CLIC3: variants seen among roughly 807,000 people sequenced by gnomAD.
CLIC3 encodes the protein chloride intracellular channel protein 3.
A neutral mutation model predicts 19.9 loss-of-function variants in CLIC3; 29 were observed. The ratio of observed to expected loss-of-function variants is 1.46; its 90% confidence interval spans 1.09 to 1.99. CLIC3 has a LOEUF of 1.99. Ranked by LOEUF, CLIC3 falls within the 30% of genes most tolerant of loss-of-function variation. The pLI is 0.00. For missense variants in CLIC3, 365 were observed against 342.6 expected, an observed-to-expected ratio of 1.07 and a Z score of -0.52; for synonymous variants, 143 against 156.4, an observed-to-expected ratio of 0.91 and a Z score of 0.64.
Position 136,995,462 on chromosome 9 carries a change from C to T in CLIC3, c.249G>A (p.Glu83=). 1 of 1,612,624 alleles carries T rather than the reference C, an allele frequency of 6.2e-7. No homozygotes were observed. The highest frequency in any genetic ancestry group is 8.5e-7 in the Non-Finnish European group (1 of 1,179,884). Residue 83 remains glutamate (E), a synonymous_variant, in exon 3 of 6, where the codon GAG becomes GAA. Coordinates refer to ENST00000494426, the MANE Select transcript of CLIC3 (RefSeq NM_004669.3). ...TDTLQIEDFL[E]ETLGPPDFPS... ...CTCACTCGGGCGGCCCCAGCGTCTC[C>T]TCCAGAAAGTCCTCGATCTGCAGCG...
Position 136,995,072 on chromosome 9 carries a change from C to T in CLIC3, c.410G>A (p.Arg137Lys), listed in dbSNP as rs779736714. ...GGGCGCGCGCAGGTAGCTGTCCAGCCTGGCGAGGGCGCGCAGCAGCTGCTG... is the reference window on the plus strand; with the variant it reads ...GGGCGCGCGCAGGTAGCTGTCCAGCTTGGCGAGGGCGCGCAGCAGCTGCTG... ...LYQQLLRALA[R>K]LDSYLRAPLE... The change falls in exon 5 of 6, where the codon AGG becomes AAG. Residue 137 changes from arginine (R) to lysine (K), a missense_variant. By Grantham distance (26) the Arg-to-Lys change is conservative. Transcript: ENST00000494426. 5 of 1,517,452 alleles carry T rather than the reference C, an allele frequency of 3.3e-6. No homozygotes were observed. The South Asian group carries it at 4.9e-5, about 15-fold the overall frequency. 94.0% of individuals were successfully genotyped at this position (1,517,452 alleles called of 1,614,324 possible).
chr9:136,994,920 C>T lies in CLIC3; in HGVS notation c.552+10G>A, dbSNP rs1394670129. On this transcript the variant is annotated intron_variant, in intron 5 of 5. Transcript: ENST00000494426. ...GGTCACCCTCCCGCCCGCCCACCTT[C>T]CGTGCTCACGTCGACGATGTGCAGC... 6.2e-6 allele frequency: 6 copies of T among 967,670 alleles called. No homozygotes were observed. The African/African-American group carries it at 7.0e-5, about 11-fold the overall frequency. The allele number at this position is 967,670 out of a possible 1,614,324, so 59.9% of individuals were successfully genotyped here. A position where few individuals can be genotyped will look rare whatever the true frequency, so the allele number is the denominator to read the frequency against.
At position 136,994,714 on chromosome 9, in the gene CLIC3, C is replaced by T; in HGVS notation, c.678G>A (p.Leu226=). 1.2e-6 allele frequency: 2 copies of T among 1,609,942 alleles called. No individual in the cohort carries two copies. Among genetic ancestry groups the T allele is most frequent in the Middle Eastern group, 1.8e-4 (1 of 5,650 alleles). ...GGTGCACGGCGGGCCGGTAGGCCGC[C>T]AGGATCTCGGCGCTGTGCGGACACG... is the stretch of plus-strand genomic sequence containing the variant. ...KYTCPHSAEI[L]AAYRPAVHPR The change falls in exon 6 of 6, where the codon CTG becomes CTA. Residue 226 remains leucine, a synonymous_variant. Coordinates refer to ENST00000494426, the MANE Select transcript of CLIC3 (RefSeq NM_004669.3).
rs1396016900 is a variant in CLIC3, at chr9:136,994,769, C to G, written c.623G>C (p.Ser208Thr). 4 of 1,602,516 alleles carry G rather than the reference C, an allele frequency of 2.5e-6. No individual in the cohort carries two copies. The highest frequency in any genetic ancestry group is 8.5e-7 in the Non-Finnish European group (1 of 1,175,250). ...TTTGAACTCTTTCTCCTGCATCGCG[C>G]TGTCCAGGTAGCGGCGTACGCCGCG... ...ELRGVRRYLDSAMQEKEFKYT... is the reference protein window; with the variant it reads ...ELRGVRRYLDTAMQEKEFKYT... The change falls in exon 6 of 6, where the codon AGC (serine) becomes ACC (threonine). Residue 208 changes from serine (S) to threonine (T), a missense_variant. Transcript: ENST00000494426.
At chr9:136,996,465 G>A (rs1473661096) in intron 1 of CLIC3, 46 bp downstream of exon 1, 1 of 1,530,008 alleles carries the variant, frequency 6.5e-7, no homozygotes, top group Non-Finnish European at 8.9e-7. Flanking sequence ...GCCCAGAAAA[G>A]CGCTTCCTCC....
rs779826366 is a variant in CLIC3, at chr9:136,994,853, C to A, written c.553-14G>T. On this transcript the variant is annotated splice_polypyrimidine_tract_variant and intron_variant, in intron 5 of 5. Coordinates refer to ENST00000494426, the MANE Select transcript of CLIC3 (RefSeq NM_004669.3). The stretch of plus-strand genomic sequence containing the variant: ...CGCGCACACCGTCTGCGGGCAGGAT[C>A]GCGGGGCGCGGTCAGGACCTGCCGT... 1.3e-4 allele frequency: 199 copies of A among 1,531,398 alleles called. 2 individuals carry two copies. The highest frequency in any genetic ancestry group is 2.1e-5 in the Non-Finnish European group (24 of 1,141,378). The allele number at this position is 1,531,398 out of a possible 1,614,324, so 94.9% of individuals were successfully genotyped here. A position where few individuals can be genotyped will look rare whatever the true frequency, so the allele number is the denominator to read the frequency against.
chr9:136,996,408 C>G (rs957977456), intron 1 of CLIC3, 103 bp downstream of exon 1: 6 of 1,094,486 alleles, frequency 5.5e-6, no homozygotes, highest in Non-Finnish European at 8.1e-6. Context: ...GGAAGGGGCT[C>G]AGACATTACT....
Position 136,995,775 on chromosome 9 carries a change from G to A in CLIC3, c.34-18C>T. 1 of 1,500,434 alleles carries A rather than the reference G, an allele frequency of 6.7e-7. No individual in the cohort carries two copies. Among genetic ancestry groups the A allele is most frequent in the African/African-American group, 1.4e-5 (1 of 72,384 alleles). 92.9% of individuals were successfully genotyped at this position (1,500,434 alleles called of 1,614,324 possible). A position where few individuals can be genotyped will look rare whatever the true frequency, so the allele number is the denominator to read the frequency against. ...TCACTCGCCTGGGTGGGTGGAGCGG[G>A]GGTGGGGGGTCAGGGCTGGAAGCAG... is the stretch of plus-strand genomic sequence containing the variant. On this transcript the variant is annotated intron_variant, in intron 1 of 5. Transcript: ENST00000494426.
intron 5 of CLIC3, 45 bp downstream of exon 5, chr9:136,994,885 G>A: frequency 6.8e-7 from 1 of 1,478,230 alleles, no homozygotes; most frequent in Non-Finnish European, 8.9e-7. Flanking sequence ...CCGTCCCCCA[G>A]GCGCGCCGCG....
intron 1 of CLIC3, 136 bp from the exon 2 acceptor site, chr9:136,995,893 C>T: frequency 3.2e-6 from 2 of 625,476 alleles, no homozygotes; most frequent in Non-Finnish European, 2.8e-6. Context: ...GTCGGCGCGA[C>T]TTCCAAGTGC....
intron 1 of CLIC3, 100 bp downstream of exon 1, chr9:136,996,411 A>T: frequency 2.7e-6 from 3 of 1,113,024 alleles, no homozygotes; most frequent in Non-Finnish European, 4.0e-6. Flanking sequence ...AGGGGCTCAG[A>T]CATTACTGGG....
At chr9:136,995,409 T>A (rs776018612) in intron 3 of CLIC3, 33 bp downstream of exon 3, 2 of 1,610,834 alleles carry the variant, frequency 1.2e-6, no homozygotes, top group South Asian at 2.2e-5. Context: ...TGGGCCCCCC[T>A]CTTTTCCCCT....
chr9:136,996,206 G>T (rs758489887), intron 1 of CLIC3, among the ~76,000 whole-genome samples: 1 of 152,098 alleles, frequency 6.6e-6, no homozygotes, highest in Non-Finnish European at 1.5e-5. Flanking sequence ...CTGGAACACC[G>T]ACCGTAAGCT....
chr9:136,995,192 C>A lies in CLIC3; in HGVS notation c.370G>T (p.Asp124Tyr). 6.2e-7 allele frequency: 1 copy of A among 1,612,266 alleles called. No homozygotes were observed. Among genetic ancestry groups the A allele is most frequent in the Non-Finnish European group, 8.5e-7 (1 of 1,179,666 alleles). Residue 124 changes from aspartate (D) to tyrosine (Y), a missense_variant, in exon 4 of 6, where the codon GAC becomes TAC. Coordinates refer to ENST00000494426, the MANE Select transcript of CLIC3 (RefSeq NM_004669.3). The stretch of plus-strand genomic sequence containing the variant: ...CCCCCTGACCCCGCTTCACCTTCGT[C>A]CTGCGCGGGCACCGGGTTCTTGATG... ...AFIKNPVPAQDEALYQQLLRA... is the reference protein window; with the variant it reads ...AFIKNPVPAQYEALYQQLLRA...
chr9:136,995,110 G>C lies in CLIC3; in HGVS notation c.377-5C>G, dbSNP rs754769287. ...GCAGCAGCTGCTGGTACAGGGCTAGGGGGCAGGCGGCGCGGTGAGGACCAG... is the reference window on the plus strand; with the variant it reads ...GCAGCAGCTGCTGGTACAGGGCTAGCGGGCAGGCGGCGCGGTGAGGACCAG... On this transcript the variant is annotated splice_polypyrimidine_tract_variant and splice_region_variant and intron_variant, in intron 4 of 5. Transcript: ENST00000494426. 3.8e-6 allele frequency: 6 copies of C among 1,560,824 alleles called. No homozygotes were observed. Among genetic ancestry groups the C allele is most frequent in the Middle Eastern group, 3.9e-4 (2 of 5,178 alleles).
Position 136,995,306 on chromosome 9 carries a change from G to T in CLIC3, c.270-14C>A. 6.2e-7 allele frequency: 1 copy of T among 1,610,614 alleles called. No individual in the cohort carries two copies. The highest frequency in any genetic ancestry group is 2.2e-5 in the East Asian group (1 of 44,838). On this transcript the variant is annotated splice_polypyrimidine_tract_variant and intron_variant, in intron 3 of 5. Coordinates refer to ENST00000494426, the MANE Select transcript of CLIC3 (RefSeq NM_004669.3). ...AGGCTGGGGAAGCTGCGGGATGAGG[G>T]GGTGGGACTCCATTAGACTGGGGGC...
Position 136,994,796 on chromosome 9 carries a change from A to G in CLIC3, c.596T>C (p.Leu199Pro), listed in dbSNP as rs1830671789. The change falls in exon 6 of 6, where the codon CTG becomes CCG. Residue 199 changes from leucine (L) to proline (P), a missense_variant. By Grantham distance (98) the Leu-to-Pro change is moderately conservative (BLOSUM62 -3). Transcript: ENST00000494426. ...GTCCAGGTAGCGGCGTACGCCGCGCAGCTCCGCGGGGATGGGCGCCTGGCG... is the reference window on the plus strand; with the variant it reads ...GTCCAGGTAGCGGCGTACGCCGCGCGGCTCCGCGGGGATGGGCGCCTGGCG... ...HFRQAPIPAE[L>P]RGVRRYLDSA... 6.3e-7 allele frequency: 1 copy of G among 1,591,334 alleles called. No individual in the cohort carries two copies. The highest frequency in any genetic ancestry group is 8.5e-7 in the Non-Finnish European group (1 of 1,169,736).
chr9:136,994,897 T>TCTCCC, intron 5 of CLIC3, 33 bp downstream of exon 5: 1 of 1,471,204 alleles, frequency 6.8e-7, no homozygotes, highest in Non-Finnish European at 8.9e-7. Context: ...CGCGCCGCGG[T>TCTCCC]CACCCTCCCG....
At position 136,995,819 on chromosome 9, in the gene CLIC3, C is replaced by G. The variant is rs1446112235; in HGVS notation, c.34-62G>C. On this transcript the variant is annotated intron_variant, in intron 1 of 5. Transcript: ENST00000494426. ...GAAGCAGACCCAGGCATCCTGCCGC[C>G]AGGCTGGGCGGGACCCGCCTCCCAC... 1.2e-5 allele frequency: 14 copies of G among 1,205,196 alleles called. No individual in the cohort carries two copies. The Admixed American group carries it at 3.0e-4, about 26-fold the overall frequency. The allele number at this position is 1,205,196 out of a possible 1,614,324, so 74.7% of individuals were successfully genotyped here. A position where few individuals can be genotyped will look rare whatever the true frequency, so the allele number is the denominator to read the frequency against.
Sources: allele counts gnomAD v4.1 joint callset (sites outside exome capture counted in the v4.1 genomes callset), GRCh38; gene constraint gnomAD v4.1.1; transcripts MANE v1.5; gene names NCBI Gene and HGNC (gene_info 2026-07-23, HGNC 2026-07-21).